The following PDE10A variants were observed in gnomAD, a reference collection of about 807,000 sequenced individuals.
PDE10A encodes phosphodiesterase 10A.
Under a neutral mutation model 97.7 loss-of-function variants are expected in PDE10A, and 39 were observed. The observed-to-expected ratio is 0.40, with a 90% CI of 0.31 to 0.52. PDE10A has a LOEUF of 0.52. PDE10A is among the 20% of genes least tolerant of loss of function. The probability of loss-of-function intolerance (pLI) is 0.56; values close to 1 mark genes in which losing one functional copy is unlikely to be tolerated. For missense variants in PDE10A, 731 were observed against 1,047.8 expected, an observed-to-expected ratio of 0.70 and a Z score of 4.17; for synonymous variants, 371 against 376.8, an observed-to-expected ratio of 0.98 and a Z score of 0.18.
intron 1 of PDE10A, among the ~76,000 whole-genome samples, chr6:165,580,933 A>G (rs1785583259): frequency 6.6e-6 from 1 of 152,200 alleles, no homozygotes; most frequent in South Asian, 2.1e-4. Flanking sequence ...CAACCCAATG[A>G]GAAAGAAGAT....
chr6:165,621,756 T>TAAAAA (rs200573248), intron 1 of PDE10A, among the ~76,000 whole-genome samples: 1 of 114,138 alleles, frequency 8.8e-6, no homozygotes, highest in African/African-American at 3.9e-5. Flanking sequence ...GACTCTTATC[T>TAAAAA]AAAAAAGAAA....
At chr6:165,339,955 C>T (rs1045713202) in intron 19 of PDE10A, among the ~76,000 whole-genome samples, 1 of 152,064 alleles carries the variant, frequency 6.6e-6, no homozygotes, top group Non-Finnish European at 1.5e-5. Context: ...ACTAAAGATT[C>T]ACTTACAGGT....
At chr6:165,474,937 T>G (rs1402544379) in intron 3 of PDE10A, among the ~76,000 whole-genome samples, 1 of 152,176 alleles carries the variant, frequency 6.6e-6, no homozygotes, top group Non-Finnish European at 1.5e-5. Context: ...TAAGTGTTTT[T>G]GGGCTACTGC....
At chr6:165,717,613 T>C (rs1224699591) in intron 1 of PDE10A, among the ~76,000 whole-genome samples, 1 of 152,216 alleles carries the variant, frequency 6.6e-6, no homozygotes, top group Non-Finnish European at 1.5e-5. Flanking sequence ...AATGTCATTT[T>C]GAAATCCTGC....
Position 165,840,018 on chromosome 6 carries a change from G to C in PDE10A, c.-615+147511C>G, listed in dbSNP as rs951021326. The stretch of plus-strand genomic sequence containing the variant: ...CTCCATCCCATCTCCATCCTCATCT[G>C]CATCCATTCCCATTCCCATCTCCAT... On this transcript the variant is annotated intron_variant, in intron 1 of 19. Transcript: ENST00000366882. Among the ~76,000 whole-genome samples, 11 of 3,566 alleles carry C rather than the reference G, an allele frequency of 3.1e-3. 4 individuals carry two copies. The highest frequency in any genetic ancestry group is 4.2e-3 in the African/African-American group (4 of 954). The allele number at this position is 3,566 out of a possible 152,430, so 2.3% of individuals were successfully genotyped here.
chr6:165,521,624 G>A (rs1264275722), intron 2 of PDE10A, among the ~76,000 whole-genome samples: 3 of 152,150 alleles, frequency 2.0e-5, no homozygotes, highest in East Asian at 1.9e-4. Context: ...AGCCACAATG[G>A]TCCCTCACGT....
intron 13 of PDE10A, among the ~76,000 whole-genome samples, chr6:165,403,875 T>A (rs1786883315): frequency 6.6e-6 from 1 of 152,192 alleles, no homozygotes; most frequent in Admixed American, 6.5e-5. Flanking sequence ...CGACCTTCAG[T>A]TTCATCCATG....
intron 1 of PDE10A, among the ~76,000 whole-genome samples, chr6:165,869,629 GA>G (rs1781145377): frequency 6.6e-6 from 1 of 152,066 alleles, no homozygotes. Flanking sequence ...AAAAGACCAT[GA>G]ATAGCCAAAG....
intron 1 of PDE10A, among the ~76,000 whole-genome samples, chr6:165,756,966 G>T (rs2128457130): frequency 7.7e-6 from 1 of 129,768 alleles, no homozygotes; most frequent in East Asian, 2.2e-4. Flanking sequence ...TTTCCATTAG[G>T]ATGCTATTTT....
intron 10 of PDE10A, among the ~76,000 whole-genome samples, chr6:165,427,242 TA>T (rs1789232132): frequency 6.6e-6 from 1 of 152,158 alleles, no homozygotes. Flanking sequence ...ATGGATTTTT[TA>T]AAATCTGGTA....
intron 1 of PDE10A, among the ~76,000 whole-genome samples, chr6:165,976,412 T>A (rs1015299583): frequency 2.6e-5 from 4 of 152,110 alleles, no homozygotes; most frequent in Non-Finnish European, 5.9e-5. Context: ...ATCAAAATGT[T>A]CCAATTCACT....
At chr6:165,416,833 C>T (rs1405805658) in intron 11 of PDE10A, among the ~76,000 whole-genome samples, 2 of 152,156 alleles carry the variant, frequency 1.3e-5, no homozygotes, top group African/African-American at 4.8e-5. Context: ...ACAGAAATAA[C>T]GCAATGTACA....
At chr6:165,984,135 T>C (rs1306245933) in intron 1 of PDE10A, among the ~76,000 whole-genome samples, 1 of 152,192 alleles carries the variant, frequency 6.6e-6, no homozygotes, top group East Asian at 1.9e-4. Flanking sequence ...ATACAAAGGA[T>C]ATAATAAAAT....
intron 1 of PDE10A, among the ~76,000 whole-genome samples, chr6:165,684,081 CCCAGA>C (rs1791050475): frequency 2.0e-5 from 3 of 152,132 alleles, no homozygotes; most frequent in African/African-American, 7.2e-5. Context: ...GTGAGGCCTT[CCCAGA>C]CCACACTATT....
chr6:165,788,460 A>C, intron 1 of PDE10A, among the ~76,000 whole-genome samples: 1 of 140,066 alleles, frequency 7.1e-6, no homozygotes, highest in Admixed American at 7.8e-5. Flanking sequence ...GAGGTTTGCC[A>C]TGAGCCGAGA....
chr6:165,664,239 C>G (rs1339178876), upstream of PDE10A, among the ~76,000 whole-genome samples: 3 of 152,074 alleles, frequency 2.0e-5, no homozygotes, highest in African/African-American at 7.2e-5. Flanking sequence ...TGCCCCGGGT[C>G]CCGGGGCCAT....
chr6:165,922,317 G>A (rs1782779406), intron 1 of PDE10A, among the ~76,000 whole-genome samples: 1 of 152,178 alleles, frequency 6.6e-6, no homozygotes, highest in African/African-American at 2.4e-5. Context: ...GGCACACAGA[G>A]TCTAATGAGT....
At chr6:165,542,421 C>A (rs1211680408) in intron 2 of PDE10A, among the ~76,000 whole-genome samples, 1 of 151,838 alleles carries the variant, frequency 6.6e-6, no homozygotes, top group Non-Finnish European at 1.5e-5. Flanking sequence ...CTTAAACAGT[C>A]TCCATTAAAA....
chr6:165,640,178 G>A (rs1191378622), intron 1 of PDE10A, among the ~76,000 whole-genome samples: 1 of 151,964 alleles, frequency 6.6e-6, no homozygotes, highest in Non-Finnish European at 1.5e-5. Context: ...CTTAATTAAT[G>A]TGAAATTTTT....
Sources: allele counts gnomAD v4.1 joint callset (sites outside exome capture counted in the v4.1 genomes callset), GRCh38; gene constraint gnomAD v4.1.1; transcripts MANE v1.5; gene names NCBI Gene and HGNC (gene_info 2026-07-23, HGNC 2026-07-21).